Variants in SORCS3 observed in about 807,000 individuals in gnomAD.
The protein encoded by SORCS3 is VPS10 domain-containing receptor SorCS3.
SORCS3 carries 57 observed loss-of-function variants against 146.3 expected under a neutral mutation model. That is an observed-to-expected ratio of 0.39 (90% confidence interval 0.31 to 0.49). The LOEUF (loss-of-function observed/expected upper bound fraction) is 0.49, where lower values mean the gene tolerates loss of function less well. Ranked by LOEUF, SORCS3 falls within the 20% of genes least tolerant of loss-of-function variation. The pLI is 0.92. For synonymous variants in SORCS3, 653 were observed against 618.5 expected (o/e 1.06, Z -0.83); for missense variants, 1,341 against 1,575.5 (o/e 0.85, Z 2.52).
intron 4 of SORCS3, among the ~76,000 whole-genome samples, chr10:104,986,734 G>A (rs1434628901): frequency 6.6e-6 from 1 of 152,174 alleles, no homozygotes; most frequent in African/African-American, 2.4e-5. Context: ...GAGAGAGATA[G>A]GAGAATTGTC....
At chr10:104,696,030 T>C (rs1479632858) in intron 1 of SORCS3, among the ~76,000 whole-genome samples, 137 of 131,706 alleles carry the variant, frequency 1.0e-3, no homozygotes, top group Middle Eastern at 8.1e-3. Context: ...CATATACACA[T>C]ATAATATATA....
chr10:104,676,438 T>C (rs2015913961), intron 1 of SORCS3, among the ~76,000 whole-genome samples: 1 of 152,146 alleles, frequency 6.6e-6, no homozygotes, highest in East Asian at 1.9e-4. Flanking sequence ...GAAAAGCTAA[T>C]ATGTAGAAGG....
chr10:104,918,049 C>G (rs1033604899), intron 3 of SORCS3, among the ~76,000 whole-genome samples: 1 of 152,164 alleles, frequency 6.6e-6, no homozygotes, highest in Non-Finnish European at 1.5e-5. Flanking sequence ...TTTTGAGGAA[C>G]TCCATACTGT....
chr10:104,958,318 C>T (rs1283837561), intron 3 of SORCS3, among the ~76,000 whole-genome samples: 2 of 152,074 alleles, frequency 1.3e-5, no homozygotes, highest in African/African-American at 4.8e-5. Flanking sequence ...AGTCACTGAG[C>T]CCTGGCATTA....
chr10:104,819,115 T>C (rs1256849314), intron 1 of SORCS3, among the ~76,000 whole-genome samples: 3 of 151,864 alleles, frequency 2.0e-5, no homozygotes, highest in Non-Finnish European at 4.4e-5. Flanking sequence ...GTATTTGAGG[T>C]TTTGTGGATT....
intron 4 of SORCS3, among the ~76,000 whole-genome samples, chr10:105,019,984 G>T (rs1207225764): frequency 1.3e-5 from 2 of 152,130 alleles, no homozygotes; most frequent in East Asian, 3.9e-4. Flanking sequence ...CACTTCTCTT[G>T]CCTTCCATTC....
At chr10:104,691,936 G>A (rs1382466356) in intron 1 of SORCS3, among the ~76,000 whole-genome samples, 20 of 152,128 alleles carry the variant, frequency 1.3e-4, no homozygotes, top group Non-Finnish European at 2.6e-4. Flanking sequence ...GTGAGATCTT[G>A]CTATGTTGTC....
At chr10:105,100,788 T>C (rs1370877644) in intron 6 of SORCS3, among the ~76,000 whole-genome samples, 1 of 152,246 alleles carries the variant, frequency 6.6e-6, no homozygotes, top group Admixed American at 6.5e-5. Flanking sequence ...GTTGGATTCC[T>C]TTCCCTTTCT....
At chr10:104,975,486 C>T (rs1425424540) in intron 3 of SORCS3, among the ~76,000 whole-genome samples, 1 of 152,068 alleles carries the variant, frequency 6.6e-6, no homozygotes, top group Non-Finnish European at 1.5e-5. Flanking sequence ...CCATACTGCC[C>T]AAGGTAATTT....
At chr10:104,876,107 C>A (rs987772631) in intron 2 of SORCS3, among the ~76,000 whole-genome samples, 1 of 152,138 alleles carries the variant, frequency 6.6e-6, no homozygotes, top group Non-Finnish European at 1.5e-5. Flanking sequence ...TTAGATCTGA[C>A]ATTCCTTGAG....
chr10:104,710,741 A>G (rs1269692800), intron 1 of SORCS3, among the ~76,000 whole-genome samples: 1 of 148,448 alleles, frequency 6.7e-6, no homozygotes, highest in Admixed American at 7.0e-5. Context: ...CTTGTGGCTC[A>G]TAGGAGCTTT....
chr10:104,835,611 A>C (rs1304165828), intron 1 of SORCS3, among the ~76,000 whole-genome samples: 1 of 152,212 alleles, frequency 6.6e-6, no homozygotes, highest in African/African-American at 2.4e-5. Flanking sequence ...TTCCTTTCTG[A>C]GAACAGGAAT....
At chr10:105,063,100 C>G (rs1006174318) in intron 5 of SORCS3, among the ~76,000 whole-genome samples, 1 of 152,162 alleles carries the variant, frequency 6.6e-6, no homozygotes, top group African/African-American at 2.4e-5. Flanking sequence ...GGTTTTACAG[C>G]CTGTGCTAGC....
At chr10:104,788,364 G>T (rs2017461294) in intron 1 of SORCS3, among the ~76,000 whole-genome samples, 1 of 152,158 alleles carries the variant, frequency 6.6e-6, no homozygotes, top group African/African-American at 2.4e-5. Context: ...GAATGCAAAA[G>T]ATTTATTTCC....
At chr10:105,034,226 A>G (rs1480747324) in intron 4 of SORCS3, among the ~76,000 whole-genome samples, 1 of 152,126 alleles carries the variant, frequency 6.6e-6, no homozygotes, top group Non-Finnish European at 1.5e-5. Context: ...AGGAAGTGTT[A>G]TTTCCGATGA....
At chr10:105,257,023 T>A (rs771369256) in intron 25 of SORCS3, 99 bp downstream of exon 25, 3 of 850,552 alleles carry the variant, frequency 3.5e-6, no homozygotes, top group Non-Finnish European at 5.8e-6. Flanking sequence ...AGAATGTGAT[T>A]TTTAATTCTC....
intron 4 of SORCS3, among the ~76,000 whole-genome samples, chr10:105,010,200 G>A (rs2055125805): frequency 1.3e-5 from 2 of 152,172 alleles, no homozygotes; most frequent in Non-Finnish European, 2.9e-5. Flanking sequence ...AGATCCTTAA[G>A]AGGAGCTCAT....
At chr10:105,261,734 A>G (rs1243427011) in intron 25 of SORCS3, among the ~76,000 whole-genome samples, 1 of 152,210 alleles carries the variant, frequency 6.6e-6, no homozygotes, top group Non-Finnish European at 1.5e-5. Flanking sequence ...GTCTTTGAAT[A>G]GAGCTATTTA....
chr10:105,171,456 CTGTT>C (rs1332583676), intron 13 of SORCS3, among the ~76,000 whole-genome samples: 1 of 152,184 alleles, frequency 6.6e-6, no homozygotes, highest in Non-Finnish European at 1.5e-5. Context: ...GAGGGTGTGA[CTGTT>C]TGCTTAGCCC....
Sources: gnomAD v4.1 joint callset for allele counts (sites outside exome capture counted in the v4.1 genomes callset) on GRCh38, gnomAD v4.1.1 for gene constraint, MANE v1.5 for transcripts, NCBI Gene and HGNC (gene_info 2026-07-23, HGNC 2026-07-21) for gene names.